Variants in SPECC1 observed in about 807,000 individuals in gnomAD.
The protein encoded by SPECC1 is cytospin-B.
A neutral mutation model predicts 104.1 loss-of-function variants in SPECC1; 62 were observed. The observed-to-expected ratio is 0.60, with a 90% CI of 0.49 to 0.74. SPECC1 has a LOEUF of 0.74. SPECC1 is among the 30% of genes least tolerant of loss of function. The pLI is 0.00. For missense variants in SPECC1, 1,306 were observed against 1,310.5 expected (o/e 1.00, Z 0.05); for synonymous variants, 513 against 501.6 (o/e 1.02, Z -0.30).
chr17:20,083,542 T>C (rs773176414), intron 1 of SPECC1, among the ~76,000 whole-genome samples: 33 of 152,224 alleles, frequency 2.2e-4, no homozygotes, highest in Non-Finnish European at 4.4e-4. Context: ...ACATCCTTTT[T>C]GTGTGTGTGC....
intron 10 of SPECC1, among the ~76,000 whole-genome samples, chr17:20,255,512 T>C (rs2039793368): frequency 6.6e-6 from 1 of 152,248 alleles, no homozygotes; most frequent in South Asian, 2.1e-4. Flanking sequence ...GTAGATAATA[T>C]TTGTTCTTCT....
At chr17:20,095,728 G>A (rs2047613766) in intron 1 of SPECC1, 1 of 152,476 alleles carries the variant, frequency 6.6e-6, no homozygotes. Flanking sequence ...GTCACTTGTG[G>A]GTGTTTTGTA....
intron 3 of SPECC1, among the ~76,000 whole-genome samples, chr17:20,196,869 TTTTTA>T (rs1165985461): frequency 2.6e-5 from 4 of 152,220 alleles, no homozygotes; most frequent in East Asian, 1.9e-4. Context: ...AGACTGAATG[TTTTTA>T]TTTTATCAGT....
At chr17:20,094,901 G>A (rs925108100) in intron 1 of SPECC1, among the ~76,000 whole-genome samples, 1 of 152,212 alleles carries the variant, frequency 6.6e-6, no homozygotes, top group African/African-American at 2.4e-5. Flanking sequence ...TGCCTGGACT[G>A]TAATAGTCAT....
At chr17:20,241,196 T>A (rs749318577) in intron 7 of SPECC1, among the ~76,000 whole-genome samples, 27 of 152,144 alleles carry the variant, frequency 1.8e-4, no homozygotes, top group Non-Finnish European at 3.1e-4. Flanking sequence ...AGTTGGGAAA[T>A]TCACCTGTAC....
At chr17:20,097,995 G>C (rs1396498172) in intron 2 of SPECC1, among the ~76,000 whole-genome samples, 2 of 152,138 alleles carry the variant, frequency 1.3e-5, no homozygotes, top group Non-Finnish European at 2.9e-5. Context: ...GGACAGCCCT[G>C]TCCCCATTGA....
At chr17:20,093,656 A>G (rs1443685030) in intron 1 of SPECC1, among the ~76,000 whole-genome samples, 2 of 151,702 alleles carry the variant, frequency 1.3e-5, no homozygotes, top group African/African-American at 4.8e-5. Flanking sequence ...CTCCCCTTCT[A>G]GTAGGAGTCC....
At chr17:20,182,730 A>C (rs927418071) in intron 3 of SPECC1, among the ~76,000 whole-genome samples, 1 of 152,210 alleles carries the variant, frequency 6.6e-6, no homozygotes, top group Non-Finnish European at 1.5e-5. Flanking sequence ...GAAAGTACTG[A>C]GTCTCAAGTA....
intron 3 of SPECC1, among the ~76,000 whole-genome samples, chr17:20,134,088 C>T (rs1435744825): frequency 6.7e-6 from 1 of 150,318 alleles, no homozygotes; most frequent in Non-Finnish European, 1.5e-5. Flanking sequence ...AAACATATTA[C>T]AAACATGTAT....
intron 3 of SPECC1, among the ~76,000 whole-genome samples, chr17:20,175,054 G>A (rs2034373353): frequency 6.6e-6 from 1 of 152,182 alleles, no homozygotes; most frequent in Non-Finnish European, 1.5e-5. Flanking sequence ...ACAGCCTGGG[G>A]CCGCCTCTGT....
chr17:20,167,263 T>C (rs1411112441), intron 3 of SPECC1, among the ~76,000 whole-genome samples: 2 of 150,510 alleles, frequency 1.3e-5, no homozygotes, highest in Non-Finnish European at 3.0e-5. Flanking sequence ...TTTTAAAAAC[T>C]AGAATAAAAA....
chr17:20,059,427 G>T (rs755913870), intron 1 of SPECC1, among the ~76,000 whole-genome samples: 7 of 152,068 alleles, frequency 4.6e-5, no homozygotes, highest in Non-Finnish European at 1.0e-4. Flanking sequence ...GGTAATGCTC[G>T]CTTGCCTATT....
chr17:20,148,837 A>G (rs1376658766), intron 3 of SPECC1, among the ~76,000 whole-genome samples: 7 of 152,058 alleles, frequency 4.6e-5, no homozygotes, highest in Admixed American at 1.3e-4. Context: ...CTCCTGCCTC[A>G]GGCTCCCGAG....
intron 4 of SPECC1, among the ~76,000 whole-genome samples, chr17:20,212,980 G>A (rs1173041488): frequency 6.6e-6 from 1 of 152,116 alleles, no homozygotes; most frequent in African/African-American, 2.4e-5. Context: ...TGTTGATTCT[G>A]TTGTCTAGTA....
At chr17:20,162,186 T>C (rs1452602978) in intron 3 of SPECC1, among the ~76,000 whole-genome samples, 2 of 151,140 alleles carry the variant, frequency 1.3e-5, no homozygotes, top group Non-Finnish European at 1.5e-5. Context: ...CGCTCTGTCG[T>C]CCAGGCTGGA....
chr17:20,284,114 GC>G (rs1271560336), intron 12 of SPECC1, among the ~76,000 whole-genome samples: 2 of 152,000 alleles, frequency 1.3e-5, no homozygotes, highest in African/African-American at 4.8e-5. Flanking sequence ...TTTAAGCTTA[GC>G]CATCTGGAAC....
At chr17:20,197,483 C>T (rs2036114483) in intron 3 of SPECC1, among the ~76,000 whole-genome samples, 1 of 144,636 alleles carries the variant, frequency 6.9e-6, no homozygotes, top group Non-Finnish European at 1.5e-5. Context: ...AAAACCCTGG[C>T]TTCTGAGCTA....
intron 1 of SPECC1, among the ~76,000 whole-genome samples, chr17:20,082,390 A>G (rs1370366840): frequency 6.6e-6 from 1 of 152,140 alleles, no homozygotes; most frequent in African/African-American, 2.4e-5. Flanking sequence ...GCTTCATCCC[A>G]GGAGTTTGAG....
At chr17:20,145,102 G>T (rs1199319712) in intron 3 of SPECC1, among the ~76,000 whole-genome samples, 1 of 152,162 alleles carries the variant, frequency 6.6e-6, no homozygotes, top group Non-Finnish European at 1.5e-5. Flanking sequence ...CTGAAATGTT[G>T]ATTTCTCTTT....
Sources: gnomAD v4.1 joint callset for allele counts (sites outside exome capture counted in the v4.1 genomes callset) on GRCh38, gnomAD v4.1.1 for gene constraint, MANE v1.5 for transcripts, NCBI Gene and HGNC (gene_info 2026-07-23, HGNC 2026-07-21) for gene names.